TRIM9: variants seen among roughly 807,000 people sequenced by gnomAD.
The protein encoded by TRIM9 is tripartite motif containing 9.
In TRIM9, 26 loss-of-function variants were observed where a neutral mutation model predicts 78.3. The ratio of observed to expected loss-of-function variants is 0.33; its 90% CI spans 0.24 to 0.46. TRIM9 has a LOEUF of 0.46. TRIM9 is among the 20% of genes least tolerant of loss of function. TRIM9 has a pLI of 1.00. For synonymous variants in TRIM9, 398 were observed against 416.5 expected (o/e 0.96, Z 0.54); for missense variants, 787 against 1,036.4 (o/e 0.76, Z 3.30).
chr14:50,985,388 C>T (rs1435579863), intron 8 of TRIM9, among the ~76,000 whole-genome samples: 1 of 152,224 alleles, frequency 6.6e-6, no homozygotes, highest in East Asian at 1.9e-4. Context: ...GCAGTGAGCA[C>T]AGGCTTTTGC....
chr14:51,018,932 G>T (rs1312422417), intron 3 of TRIM9, among the ~76,000 whole-genome samples: 5 of 152,160 alleles, frequency 3.3e-5, no homozygotes, highest in Non-Finnish European at 7.3e-5. Context: ...ATATTAGAGA[G>T]AACACATTTA....
At position 51,094,599 on chromosome 14, in the gene TRIM9, G is replaced by A; in HGVS notation, c.341C>T (p.Ser114Leu). Reference sequence around the variant, plus strand: ...GCGGGGCACCGGGGCCAGGGCCGGTGACAAGTGGGTGGCCGGTGGCGGCAT... The same window carrying A: ...GCGGGGCACCGGGGCCAGGGCCGGTAACAAGTGGGTGGCCGGTGGCGGCAT... ...PAMPPPATHL[S>L]PALAPVPRNS... Residue 114 changes from serine (S) to leucine (L), a missense_variant, in exon 1 of 13, where the codon TCA (serine) becomes TTA (leucine). By Grantham distance (145) the Ser-to-Leu change is moderately radical (BLOSUM62 -2). Coordinates refer to ENST00000684578, the MANE Select transcript of TRIM9 (RefSeq NM_001387360.1). 6.2e-7 allele frequency: 1 copy of A among 1,610,528 alleles called. No individual in the cohort carries two copies. The highest frequency in any genetic ancestry group is 1.1e-5 in the South Asian group (1 of 90,972).
In TRIM9 at chr14:50,977,213, C is replaced by G. The variant is rs45498595; in HGVS notation, c.*78G>C. Reference sequence around the variant, plus strand: ...CACTCCTGCCAACTCTGCACCCCACCACGGCTGGCTGAGCTCCTTGCTGTG... The same window carrying G: ...CACTCCTGCCAACTCTGCACCCCACGACGGCTGGCTGAGCTCCTTGCTGTG... On this transcript the variant is annotated 3_prime_UTR_variant, in exon 13 of 13. Coordinates refer to ENST00000684578, the MANE Select transcript of TRIM9 (RefSeq NM_001387360.1). 8,247 of 1,273,924 alleles carry G rather than the reference C, an allele frequency of 6.5e-3. 47 individuals carry two copies. The highest frequency in any genetic ancestry group is 6.8e-3 in the Non-Finnish European group (6,579 of 963,834). The allele number at this position is 1,273,924 out of a possible 1,614,324, so 78.9% of individuals were successfully genotyped here. A position where few individuals can be genotyped will look rare whatever the true frequency, so the allele number is the denominator to read the frequency against.
At chr14:51,087,663 C>A (rs758486239) in intron 1 of TRIM9, among the ~76,000 whole-genome samples, 1 of 152,074 alleles carries the variant, frequency 6.6e-6, no homozygotes, top group Admixed American at 6.6e-5. Context: ...TAAAAATTGA[C>A]CCAAAATGTC....
chr14:51,055,717 C>T (rs560074657), intron 1 of TRIM9, among the ~76,000 whole-genome samples: 32 of 152,322 alleles, frequency 2.1e-4, no homozygotes, highest in East Asian at 1.7e-3. Context: ...CAGCAAGACC[C>T]ATGTCAGACT....
rs77152692 is a variant in TRIM9, at chr14:51,011,454, T to C, written c.1042-960A>G. ...TAATCCTCCTATCTCAGTCTCCAAG[T>C]AGCTGGGACTACACTGCAGCTATCT... On this transcript the variant is annotated intron_variant, in intron 3 of 12. Coordinates refer to ENST00000684578, the MANE Select transcript of TRIM9 (RefSeq NM_001387360.1). Among the ~76,000 whole-genome samples, 1,179 of 152,298 alleles carry C rather than the reference T, an allele frequency of 7.7e-3. 18 individuals are homozygous for C. Among genetic ancestry groups the C allele is most frequent in the African/African-American group, 0.027 (1,114 of 41,554 alleles).
intron 4 of TRIM9, among the ~76,000 whole-genome samples, chr14:51,009,505 G>A (rs1276054201): frequency 1.3e-5 from 2 of 152,202 alleles, no homozygotes; most frequent in Non-Finnish European, 2.9e-5. Flanking sequence ...ATATGATCAT[G>A]CTATTTATGA....
intron 4 of TRIM9, 100 bp from the exon 5 acceptor site, chr14:51,009,333 T>C: frequency 6.9e-7 from 1 of 1,453,424 alleles, no homozygotes; most frequent in Non-Finnish European, 9.4e-7. Context: ...CCAAACTGCC[T>C]TGAGGACTCA....
At chr14:50,985,582 G>GA (rs1284688201) in intron 8 of TRIM9, among the ~76,000 whole-genome samples, 1 of 152,174 alleles carries the variant, frequency 6.6e-6, no homozygotes, top group Non-Finnish European at 1.5e-5. Flanking sequence ...CCTGGATACA[G>GA]AAGGGCTGCA....
intron 3 of TRIM9, among the ~76,000 whole-genome samples, chr14:51,017,001 G>C (rs1379782425): frequency 1.3e-5 from 2 of 152,174 alleles, no homozygotes; most frequent in Non-Finnish European, 2.9e-5. Flanking sequence ...CCTAAAGCAT[G>C]ATGACCAACT....
chr14:51,005,627 T>C (rs2055679416), intron 5 of TRIM9, among the ~76,000 whole-genome samples: 1 of 152,198 alleles, frequency 6.6e-6, no homozygotes, highest in East Asian at 1.9e-4. Flanking sequence ...AAAGAGCTGA[T>C]CATACAACCT....
intron 1 of TRIM9, among the ~76,000 whole-genome samples, chr14:51,035,583 G>C (rs538998556): frequency 6.6e-6 from 1 of 152,184 alleles, no homozygotes; most frequent in Non-Finnish European, 1.5e-5. Flanking sequence ...TCTTAAAACT[G>C]TTCCCTGGTA....
intron 1 of TRIM9, among the ~76,000 whole-genome samples, chr14:51,075,970 T>G (rs1391274275): frequency 1.3e-5 from 2 of 152,210 alleles, no homozygotes; most frequent in African/African-American, 2.4e-5. Flanking sequence ...AATTTTTTTT[T>G]CACTGCTATA....
At chr14:51,033,749 T>C (rs2058924419) in intron 1 of TRIM9, among the ~76,000 whole-genome samples, 1 of 152,246 alleles carries the variant, frequency 6.6e-6, no homozygotes, top group Non-Finnish European at 1.5e-5. Context: ...CAAAACAAAT[T>C]TTTATCTGTA....
intron 3 of TRIM9, among the ~76,000 whole-genome samples, chr14:51,012,055 G>A (rs1351625367): frequency 6.6e-6 from 1 of 151,948 alleles, no homozygotes; most frequent in Non-Finnish European, 1.5e-5. Context: ...TGTTCTTAAT[G>A]TGTTATTGTG....
rs2056432724 is a variant in TRIM9, at chr14:51,010,492, C to T, written c.1044G>A (p.Val348=). 1.2e-6 allele frequency: 2 copies of T among 1,610,268 alleles called. No individual in the cohort carries two copies. The highest frequency in any genetic ancestry group is 1.3e-5 in the African/African-American group (1 of 74,728). The change falls in exon 4 of 13, where the codon GTG becomes GTA. Residue 348 remains valine (V), a splice_region_variant and synonymous_variant. Transcript: ENST00000684578. The stretch of plus-strand genomic sequence containing the variant: ...TGCAGTGAGAGATCTGATCTCGAAC[C>T]ACCTAGGATTAAAAAAAAAACAACA... ...VNKEHEHKLK[V]VRDQISHCTV...
At position 50,986,027 on chromosome 14, in the gene TRIM9, G is replaced by T; in HGVS notation, c.1721C>A (p.Ser574Tyr). Residue 574 changes from serine (S) to tyrosine (Y), a missense_variant, in exon 8 of 13, where the codon TCC becomes TAC. Transcript: ENST00000684578. ...LNLQPSFPGR[S>Y]YFDFRSSPHQ... ...GGGTGAGGATCGGAAATCAAAGTAG[G>T]ATCTCCCGGGGAAGCTGGGTTGTAG... 1 of 1,549,708 alleles carries T rather than the reference G, an allele frequency of 6.5e-7. No homozygotes were observed. The highest frequency in any genetic ancestry group is 1.2e-5 in the South Asian group (1 of 83,868).
intron 1 of TRIM9, among the ~76,000 whole-genome samples, chr14:51,046,710 C>A (rs919425977): frequency 1.3e-5 from 2 of 152,206 alleles, no homozygotes; most frequent in Non-Finnish European, 2.9e-5. Context: ...ACTCCTGAAA[C>A]TAAATTCTGG....
intron 1 of TRIM9, among the ~76,000 whole-genome samples, chr14:51,045,635 G>A (rs1371410092): frequency 6.6e-6 from 1 of 152,102 alleles, no homozygotes; most frequent in Non-Finnish European, 1.5e-5. Flanking sequence ...CATTATTGTG[G>A]CATTGTTTGC....
Sources: gnomAD v4.1 joint callset for allele counts (sites outside exome capture counted in the v4.1 genomes callset) on GRCh38, gnomAD v4.1.1 for gene constraint, MANE v1.5 for transcripts, NCBI Gene and HGNC (gene_info 2026-07-23, HGNC 2026-07-21) for gene names.